The following TAFA5 variants were observed in gnomAD, a reference collection of about 807,000 sequenced individuals.
TAFA5 encodes chemokine-like protein TAFA-5.
In TAFA5, 6 loss-of-function variants were observed where a neutral mutation model predicts 15.3. That is an observed-to-expected ratio of 0.39 (90% confidence interval 0.21 to 0.77). The LOEUF (loss-of-function observed/expected upper bound fraction) is 0.77, where lower values mean the gene tolerates loss of function less well. Ranked by LOEUF, TAFA5 falls within the 30% of genes least tolerant of loss-of-function variation. The pLI is 0.41. For missense variants in TAFA5, 161 were observed against 193.1 expected, an observed-to-expected ratio of 0.83 and a Z score of 0.98; for synonymous variants, 103 against 80.7, an observed-to-expected ratio of 1.28 and a Z score of -1.48.
At chr22:48,615,044 A>G (rs1316824657) in intron 1 of TAFA5, among the ~76,000 whole-genome samples, 2 of 152,098 alleles carry the variant, frequency 1.3e-5, no homozygotes, top group Non-Finnish European at 2.9e-5. Flanking sequence ...AGTTTATTCA[A>G]ACAACCACAA....
intron 1 of TAFA5, among the ~76,000 whole-genome samples, chr22:48,523,418 T>C: frequency 6.6e-6 from 1 of 152,248 alleles, no homozygotes; most frequent in Non-Finnish European, 1.5e-5. Context: ...TCCGCTGGGC[T>C]GTGGAGGTGA....
chr22:48,605,312 GTGGTGATGGTGA>G (rs1399066762), intron 1 of TAFA5, among the ~76,000 whole-genome samples: 1 of 60,876 alleles, frequency 1.6e-5, no homozygotes, highest in Non-Finnish European at 3.8e-5. Flanking sequence ...GGTGATGATG[GTGGTGATGGTGA>G]TGATGGTGAT....
chr22:48,664,511 T>A (rs1927548460), intron 2 of TAFA5, among the ~76,000 whole-genome samples: 1 of 152,226 alleles, frequency 6.6e-6, no homozygotes, highest in African/African-American at 2.4e-5. Context: ...GTGACTATTC[T>A]TTTTTAAAGT....
At chr22:48,501,480 G>T (rs1206007624) in intron 1 of TAFA5, among the ~76,000 whole-genome samples, 1 of 152,222 alleles carries the variant, frequency 6.6e-6, no homozygotes, top group African/African-American at 2.4e-5. Context: ...TTCCCTCCTG[G>T]ACGCCTTCCT....
intron 1 of TAFA5, among the ~76,000 whole-genome samples, chr22:48,563,234 C>T (rs570678060): frequency 2.6e-5 from 4 of 152,332 alleles, no homozygotes; most frequent in South Asian, 2.1e-4. Flanking sequence ...CCCCTCGTCC[C>T]GGGTGCTCTT....
At chr22:48,724,147 C>G (rs113917522) in intron 3 of TAFA5, among the ~76,000 whole-genome samples, 144 of 136,596 alleles carry the variant, frequency 1.1e-3, no homozygotes, top group African/African-American at 3.6e-3. Flanking sequence ...ACTTGGGGTT[C>G]TCGTTGCATT....
chr22:48,491,911 G>T (rs1276199332), intron 1 of TAFA5, among the ~76,000 whole-genome samples: 1 of 152,228 alleles, frequency 6.6e-6, no homozygotes, highest in Non-Finnish European at 1.5e-5. Flanking sequence ...TGGTAAGAAG[G>T]TCTTACCAGA....
At chr22:48,661,239 G>A (rs980634549) in intron 2 of TAFA5, among the ~76,000 whole-genome samples, 7 of 152,198 alleles carry the variant, frequency 4.6e-5, no homozygotes, top group African/African-American at 7.2e-5. Flanking sequence ...CCACCAGAGC[G>A]CAGAGAGGGA....
Position 48,750,053 on chromosome 22 carries a change from C to A in TAFA5, c.*206C>A. ...CCGACCCGAGGAGGCCGGACTCAGA[C>A]ACATAGGCGGGGGGCGGCACCTGGC... On this transcript the variant is annotated 3_prime_UTR_variant, in exon 4 of 4. Transcript: ENST00000402357. The A allele has an allele frequency of 1.7e-6, 1 of 603,926 alleles. No homozygotes were observed. The allele number at this position is 603,926 out of a possible 1,614,324, so 37.4% of individuals were successfully genotyped here.
At chr22:48,557,251 G>A (rs1378575427) in intron 1 of TAFA5, among the ~76,000 whole-genome samples, 1 of 152,174 alleles carries the variant, frequency 6.6e-6, no homozygotes, top group Non-Finnish European at 1.5e-5. Flanking sequence ...CGTAAGGGTG[G>A]GGCCCTGATC....
At chr22:48,708,029 TG>T (rs1208486412) in intron 3 of TAFA5, among the ~76,000 whole-genome samples, 185 bp downstream of exon 3, 2 of 142,496 alleles carry the variant, frequency 1.4e-5, no homozygotes, top group Non-Finnish European at 3.1e-5. Flanking sequence ...CCATCTGTCC[TG>T]GGGCAGACGG....
intron 1 of TAFA5, among the ~76,000 whole-genome samples, chr22:48,635,267 G>A (rs1926403630): frequency 6.6e-6 from 1 of 152,212 alleles, no homozygotes; most frequent in South Asian, 2.1e-4. Context: ...CAGTGGGCAG[G>A]CGTAGCTGGT....
chr22:48,745,263 G>A (rs1176058902), intron 3 of TAFA5, among the ~76,000 whole-genome samples: 1 of 151,228 alleles, frequency 6.6e-6, no homozygotes, highest in African/African-American at 2.4e-5. Flanking sequence ...CGGCTGGCCT[G>A]TCCGGGGTTC....
intron 1 of TAFA5, among the ~76,000 whole-genome samples, chr22:48,571,608 C>CTTTTTTTTTTTT (rs1601586303): frequency 1.5e-4 from 5 of 33,536 alleles, no homozygotes; most frequent in Non-Finnish European, 2.3e-4. Context: ...TTTTTTTTTG[C>CTTTTTTTTTTTT]TTTAAAAAAA....
intron 1 of TAFA5, among the ~76,000 whole-genome samples, chr22:48,642,451 C>T (rs1420953641): frequency 6.6e-6 from 1 of 152,200 alleles, no homozygotes; most frequent in Non-Finnish European, 1.5e-5. Context: ...ACCCCCCTTT[C>T]TGAGAATGAG....
chr22:48,545,249 G>C (rs774296654), intron 1 of TAFA5: 7 of 264,692 alleles, frequency 2.6e-5, no homozygotes, highest in Non-Finnish European at 5.3e-5. Flanking sequence ...GCCATTTGGC[G>C]TAAGGCCTCT....
At chr22:48,600,272 G>A (rs538554805) in intron 1 of TAFA5, among the ~76,000 whole-genome samples, 2 of 152,316 alleles carry the variant, frequency 1.3e-5, no homozygotes, top group South Asian at 2.1e-4. Flanking sequence ...GGCGTCCCCG[G>A]GGAGGATGGC....
At chr22:48,703,719 G>C (rs1176501803) in intron 2 of TAFA5, among the ~76,000 whole-genome samples, 1 of 152,240 alleles carries the variant, frequency 6.6e-6, no homozygotes, top group Non-Finnish European at 1.5e-5. Flanking sequence ...GCTGAGCTCG[G>C]TAGTGAAGGA....
At chr22:48,526,544 G>C (rs1250725616) in intron 1 of TAFA5, among the ~76,000 whole-genome samples, 1 of 152,196 alleles carries the variant, frequency 6.6e-6, no homozygotes, top group African/African-American at 2.4e-5. Context: ...TCTGCGTGCC[G>C]GCCTCACAAG....
Sources: gnomAD v4.1 joint callset for allele counts (sites outside exome capture counted in the v4.1 genomes callset) on GRCh38, gnomAD v4.1.1 for gene constraint, MANE v1.5 for transcripts, NCBI Gene and HGNC (gene_info 2026-07-23, HGNC 2026-07-21) for gene names.